The following FGD4 variants were observed in gnomAD, a reference collection of about 807,000 sequenced individuals.
FGD4 encodes FYVE, RhoGEF and PH domain-containing protein 4.
Under a neutral mutation model 102.0 loss-of-function variants are expected in FGD4, and 42 were observed. The ratio of observed to expected loss-of-function variants is 0.41; its 90% confidence interval spans 0.32 to 0.53. FGD4 has a LOEUF of 0.53. FGD4 is among the 20% of genes least tolerant of loss of function. The probability of loss-of-function intolerance (pLI) is 0.21; values close to 1 mark genes in which losing one functional copy is unlikely to be tolerated. For synonymous variants in FGD4, 380 were observed against 375.7 expected (o/e 1.01, Z -0.13); for missense variants, 902 against 1,078.2 (o/e 0.84, Z 2.29).
chr12:32,610,691 T>G, intron 8 of FGD4, 85 bp from the exon 9 acceptor site: 2 of 1,255,240 alleles, frequency 1.6e-6, no homozygotes, highest in Non-Finnish European at 1.1e-6. Context: ...GGTCTCAGAC[T>G]TCTTAATTTA....
intron 7 of FGD4, among the ~76,000 whole-genome samples, chr12:32,604,404 G>A (rs994232926): frequency 6.6e-6 from 1 of 151,920 alleles, no homozygotes; most frequent in South Asian, 2.1e-4. Flanking sequence ...GCCTAGGCTG[G>A]CCTTGAACTC....
Position 32,494,212 on chromosome 12 carries a change from AATTTT to A in FGD4, c.167-69909_167-69905del, listed in dbSNP as rs1382260952. Among the ~76,000 whole-genome samples the A allele has an allele frequency of 1.1e-4, 16 of 152,096 alleles. No homozygotes were observed. In the South Asian group the frequency reaches 2.7e-3, roughly 26 times the overall value. On this transcript the variant is annotated intron_variant, in intron 1 of 16. Coordinates refer to ENST00000534526, the MANE Select transcript of FGD4 (RefSeq NM_001370298.3). The stretch of plus-strand genomic sequence containing the variant: ...TGCCACCACACCCAGCTAACTTTTT[AATTTT>A]ATTTTATTTTATTTTTGTAGAGATG...
Position 32,423,387 on chromosome 12 carries a change from C to T in FGD4, c.166+23428C>T, listed in dbSNP as rs150272818. 3.4e-3 allele frequency among the ~76,000 whole-genome samples: 510 copies of T among 151,582 alleles called. 4 individuals carry two copies. Among genetic ancestry groups the T allele is most frequent in the African/African-American group, 0.012 (488 of 41,412 alleles). On this transcript the variant is annotated intron_variant, in intron 1 of 16. Coordinates refer to ENST00000534526, the MANE Select transcript of FGD4 (RefSeq NM_001370298.3). ...CGGGCAGATCACTAGGTGAGGAGAT[C>T]GAGACCATCCTGGCCAACATGGTTA... is the stretch of plus-strand genomic sequence containing the variant.
At chr12:32,496,991 A>G (rs540605741) in intron 1 of FGD4, among the ~76,000 whole-genome samples, 1 of 152,360 alleles carries the variant, frequency 6.6e-6, no homozygotes, top group South Asian at 2.1e-4. Context: ...TTCAAATTTT[A>G]ATTGAAAATA....
chr12:32,582,316 AT>A lies in FGD4; in HGVS notation c.861del (p.Asn287LysfsTer12). On this transcript the variant is annotated frameshift_variant, in exon 4 of 17. Transcript: ENST00000534526. LOFTEE classifies it high-confidence loss of function. ...CCCACAACAGACAGCTGTGATGGAA[AT>A]GCTTCTGACAGTAGCTACAGGACTC... ...ASPTTDSCDG[N>X]ASDSSYRTPG... The A allele has an allele frequency of 6.2e-7, 1 of 1,614,214 alleles. No homozygotes were observed. Among genetic ancestry groups the A allele is most frequent in the Non-Finnish European group, 8.5e-7 (1 of 1,180,030 alleles).
intron 5 of FGD4, among the ~76,000 whole-genome samples, chr12:32,600,219 G>A (rs1948283582): frequency 6.6e-6 from 1 of 152,212 alleles, no homozygotes; most frequent in African/African-American, 2.4e-5. Context: ...GGGAATTACA[G>A]ACCTGAAATT....
chr12:32,546,202 T>G (rs1334697488), intron 1 of FGD4, among the ~76,000 whole-genome samples: 1 of 152,210 alleles, frequency 6.6e-6, no homozygotes, highest in Non-Finnish European at 1.5e-5. Flanking sequence ...AGCTCCAGAT[T>G]ATGAGCCTGT....
At chr12:32,635,708 T>C (rs1950767279) in intron 15 of FGD4, among the ~76,000 whole-genome samples, 1 of 152,132 alleles carries the variant, frequency 6.6e-6, no homozygotes, top group South Asian at 2.1e-4. Context: ...ATTATATTTA[T>C]TTAGGCTTTT....
At chr12:32,538,691 G>T (rs75535519) in intron 1 of FGD4, among the ~76,000 whole-genome samples, 284 of 152,292 alleles carry the variant, frequency 1.9e-3, no homozygotes, top group African/African-American at 6.5e-3. Flanking sequence ...GCTTTGGGGT[G>T]TGAAACCAAG....
intron 5 of FGD4, among the ~76,000 whole-genome samples, chr12:32,598,975 G>T (rs1211563728): frequency 1.3e-5 from 2 of 152,150 alleles, no homozygotes; most frequent in Non-Finnish European, 2.9e-5. Flanking sequence ...TTGCTATCTA[G>T]CATTATGTGA....
At chr12:32,468,853 G>A (rs1239471221) in intron 1 of FGD4, among the ~76,000 whole-genome samples, 1 of 152,164 alleles carries the variant, frequency 6.6e-6, no homozygotes, top group African/African-American at 2.4e-5. Flanking sequence ...TTGAGACGGA[G>A]TCTCACTCTG....
At chr12:32,448,618 C>T (rs1473974042) in intron 1 of FGD4, among the ~76,000 whole-genome samples, 4 of 149,004 alleles carry the variant, frequency 2.7e-5, no homozygotes, top group African/African-American at 1.0e-4. Flanking sequence ...GATCGCGCCA[C>T]GGCACTCCAG....
At chr12:32,622,548 T>A (rs566527191) in intron 11 of FGD4, among the ~76,000 whole-genome samples, 1 of 152,224 alleles carries the variant, frequency 6.6e-6, no homozygotes, top group Non-Finnish European at 1.5e-5. Flanking sequence ...TATGCTTATA[T>A]GGTGATATTG....
intron 1 of FGD4, among the ~76,000 whole-genome samples, chr12:32,403,992 C>T (rs1413684609): frequency 1.3e-5 from 2 of 152,052 alleles, no homozygotes; most frequent in African/African-American, 2.4e-5. Context: ...CTGAAAGGCT[C>T]TTAGTCCCCT....
intron 1 of FGD4, among the ~76,000 whole-genome samples, chr12:32,526,637 T>TC (rs1230533171): frequency 6.6e-6 from 1 of 152,164 alleles, no homozygotes; most frequent in Non-Finnish European, 1.5e-5. Context: ...CCTGCTCAGG[T>TC]CCCCTTCCAC....
rs192172894 is a variant in FGD4, at chr12:32,517,360, G to A, written c.167-46777G>A. On this transcript the variant is annotated intron_variant, in intron 1 of 16. Transcript: ENST00000534526. ...AGTGCTTGAGGTAATGATGTCTTCA[G>A]CACTGGATTTTATAATTTAAAGCCA... 2.0e-5 allele frequency among the ~76,000 whole-genome samples: 3 copies of A among 152,150 alleles called. No individual in the cohort carries two copies. The East Asian group carries it at 5.8e-4, about 29-fold the overall frequency.
chr12:32,415,188 T>C (rs1941357276), intron 1 of FGD4, among the ~76,000 whole-genome samples: 1 of 152,152 alleles, frequency 6.6e-6, no homozygotes, highest in South Asian at 2.1e-4. Context: ...TTAAGACTTG[T>C]TTTGTGACCT....
At chr12:32,616,924 G>A (rs1368447662) in intron 10 of FGD4, among the ~76,000 whole-genome samples, 1 of 152,176 alleles carries the variant, frequency 6.6e-6, no homozygotes, top group African/African-American at 2.4e-5. Flanking sequence ...TTGCGGGGCT[G>A]GCATCTGGTG....
intron 1 of FGD4, among the ~76,000 whole-genome samples, chr12:32,497,212 C>T (rs1399803933): frequency 6.6e-6 from 1 of 152,126 alleles, no homozygotes; most frequent in East Asian, 1.9e-4. Flanking sequence ...AAAAAGTTTC[C>T]ATCAAATTAG....
Sources: gnomAD v4.1 joint callset for allele counts (sites outside exome capture counted in the v4.1 genomes callset) on GRCh38, gnomAD v4.1.1 for gene constraint, MANE v1.5 for transcripts, NCBI Gene and HGNC (gene_info 2026-07-23, HGNC 2026-07-21) for gene names.